The following HSF2 variants were observed in gnomAD, a reference collection of about 807,000 sequenced individuals.
HSF2 encodes the protein heat shock factor protein 2.
A neutral mutation model predicts 65.0 loss-of-function variants in HSF2; 21 were observed. The ratio of observed to expected loss-of-function variants is 0.32; its 90% CI spans 0.23 to 0.47. The LOEUF (loss-of-function observed/expected upper bound fraction) is 0.47. Ranked by LOEUF, HSF2 falls within the 20% of genes least tolerant of loss-of-function variation. HSF2 has a pLI of 1.00. For missense variants in HSF2, 499 were observed against 628.1 expected (o/e 0.79, Z 2.20); for synonymous variants, 225 against 219.1 (o/e 1.03, Z -0.24).
At chr6:122,415,585 TA>T (rs1460238114) in intron 4 of HSF2, among the ~76,000 whole-genome samples, 3 of 152,182 alleles carry the variant, frequency 2.0e-5, no homozygotes, top group Non-Finnish European at 4.4e-5. Context: ...AAGATTAGCT[TA>T]TTTTTTTTTA....
rs1444212202 is a variant in HSF2 at position 122,420,154 on chromosome 6, A to C, written c.613A>C (p.Asn205His). The C allele has an allele frequency of 6.2e-7, 1 of 1,610,952 alleles. No homozygotes were observed. Among genetic ancestry groups the C allele is most frequent in the Admixed American group, 1.7e-5 (1 of 59,664 alleles). ...KRKRPLLLNT[N>H]GAQKKNLFQH... ...TTTCAGGCCTCTACTTCTAAACACT[A>C]ATGGAGCCCAAAAGAAGAACCTGTT... Residue 205 changes from asparagine (N) to histidine (H), a missense_variant, in exon 7 of 13, where the codon AAT (asparagine) becomes CAT (histidine). Around this residue, in one of 2 missense-constraint regions of HSF2, gnomAD observed 349 missense variants for 393.5 expected, o/e 0.89. Coordinates refer to ENST00000368455, the MANE Select transcript of HSF2 (RefSeq NM_004506.4).
At chr6:122,410,497 A>G (rs1317549873) in intron 1 of HSF2, among the ~76,000 whole-genome samples, 2 of 151,852 alleles carry the variant, frequency 1.3e-5, no homozygotes, top group Non-Finnish European at 2.9e-5. Context: ...GGCAACCATT[A>G]CCACCATCCA....
intron 10 of HSF2, among the ~76,000 whole-genome samples, chr6:122,426,528 G>A (rs1774341918): frequency 6.6e-6 from 1 of 152,050 alleles, no homozygotes; most frequent in African/African-American, 2.4e-5. Flanking sequence ...GCAGTGATAA[G>A]CTAAACTGGC....
intron 7 of HSF2, among the ~76,000 whole-genome samples, chr6:122,420,668 T>G (rs1487675634): frequency 6.7e-6 from 1 of 149,920 alleles, no homozygotes; most frequent in Admixed American, 6.7e-5. Context: ...CTTTTGAGAT[T>G]TATTAAACAT....
intron 10 of HSF2, among the ~76,000 whole-genome samples, chr6:122,425,226 G>C (rs1301702111): frequency 6.6e-6 from 1 of 152,024 alleles, no homozygotes; most frequent in Non-Finnish European, 1.5e-5. Context: ...ACGAGTGGCT[G>C]TATTTACCTC....
rs141044801 is a variant in HSF2, at chr6:122,404,264, C to T, written c.93+4434C>T. The stretch of plus-strand genomic sequence containing the variant: ...ATTTGAGCAGTAGGCCCTTGGACTT[C>T]ACAAAGTGCTAGTATTGTTTTGAAC... On this transcript the variant is annotated intron_variant, in intron 1 of 12. Coordinates refer to ENST00000368455, the MANE Select transcript of HSF2 (RefSeq NM_004506.4). Among the ~76,000 whole-genome samples, 12 of 152,286 alleles carry T rather than the reference C, an allele frequency of 7.9e-5. No homozygotes were observed. In the East Asian group the frequency reaches 2.1e-3, roughly 27 times the overall value.
chr6:122,421,746 CAG>C (rs1260468659), intron 7 of HSF2, among the ~76,000 whole-genome samples: 6 of 151,984 alleles, frequency 3.9e-5, no homozygotes, highest in African/African-American at 9.7e-5. Flanking sequence ...CATTTCAAAA[CAG>C]AGCATCTTGA....
intron 5 of HSF2, 44 bp from the exon 6 acceptor site, chr6:122,419,123 GA>G: frequency 1.1e-6 from 1 of 914,858 alleles, no homozygotes; most frequent in South Asian, 1.4e-5. Flanking sequence ...AGAGACAAAA[GA>G]ATTAACAGTA....
chr6:122,428,544 T>C (rs1774387896), intron 11 of HSF2, among the ~76,000 whole-genome samples: 1 of 152,034 alleles, frequency 6.6e-6, no homozygotes, highest in Admixed American at 6.6e-5. Context: ...AATTTGAAGT[T>C]ATTAGAGCAG....
At chr6:122,412,835 G>A in intron 3 of HSF2, 71 bp downstream of exon 3, 1 of 1,417,356 alleles carries the variant, frequency 7.1e-7, no homozygotes, top group Non-Finnish European at 9.8e-7. Context: ...TTTTATTTCA[G>A]CTGTTGAAAG....
At chr6:122,401,691 A>C (rs556821427) in intron 1 of HSF2, among the ~76,000 whole-genome samples, 1 of 152,198 alleles carries the variant, frequency 6.6e-6, no homozygotes, top group South Asian at 2.1e-4. Flanking sequence ...GGGACAATCA[A>C]AATGTAAGCT....
intron 11 of HSF2, among the ~76,000 whole-genome samples, chr6:122,428,545 AT>A (rs901504991): frequency 3.3e-5 from 5 of 152,024 alleles, no homozygotes; most frequent in African/African-American, 1.2e-4. Context: ...ATTTGAAGTT[AT>A]TAGAGCAGGT....
chr6:122,429,228 C>A lies in HSF2; in HGVS notation c.1230+1272C>A, dbSNP rs182354740. ...CATGGACCATTTAAGTTGAATGGAC[C>A]CATATCATTTGTTCATGTAGTGAAT... On this transcript the variant is annotated intron_variant, in intron 11 of 12. Coordinates refer to ENST00000368455, the MANE Select transcript of HSF2 (RefSeq NM_004506.4). Among the ~76,000 whole-genome samples the A allele has an allele frequency of 9.2e-5, 14 of 151,926 alleles. No individual in the cohort carries two copies. In the East Asian group the frequency reaches 2.3e-3, roughly 25 times the overall value.
intron 1 of HSF2, among the ~76,000 whole-genome samples, chr6:122,406,829 A>G (rs1773878322): frequency 6.6e-6 from 1 of 152,156 alleles, no homozygotes; most frequent in South Asian, 2.1e-4. Flanking sequence ...GACCATGCCT[A>G]GTCATATGGC....
At chr6:122,416,181 ATT>A (rs2243361) in intron 4 of HSF2, 38 bp from the exon 5 acceptor site, 4 of 1,198,254 alleles carry the variant, frequency 3.3e-6, no homozygotes, top group Admixed American at 1.9e-5. Context: ...TTTTTGATTG[ATT>A]TTTTTTTTGT....
intron 8 of HSF2, 70 bp from the exon 9 acceptor site, chr6:122,422,648 G>C: frequency 6.7e-7 from 1 of 1,483,402 alleles, no homozygotes; most frequent in Non-Finnish European, 9.3e-7. Context: ...TTTCCATTTA[G>C]AATGAATGGA....
Position 122,433,083 on chromosome 6 carries a change from A to G in HSF2, c.*863A>G, listed in dbSNP as rs1774512713. 1 of 152,334 alleles carries G rather than the reference A, an allele frequency of 6.6e-6. No individual in the cohort carries two copies. The highest frequency in any genetic ancestry group is 2.1e-4 in the South Asian group (1 of 4,828). The allele number at this position is 152,334 out of a possible 1,614,324, so 9.4% of individuals were successfully genotyped here. On this transcript the variant is annotated 3_prime_UTR_variant, in exon 13 of 13. Transcript: ENST00000368455. The stretch of plus-strand genomic sequence containing the variant: ...TATTCTCAATATGAATCATACCAAG[A>G]TATTTGTGCCTCATCTCGAAAATAT...
At chr6:122,420,738 A>ATTTTTT (rs1562203810) in intron 7 of HSF2, among the ~76,000 whole-genome samples, 4 of 84,296 alleles carry the variant, frequency 4.7e-5, no homozygotes, top group East Asian at 3.4e-4. Context: ...TTGAGATGGG[A>ATTTTTT]TTTCACTCTG....
chr6:122,426,433 A>G (rs917533819), intron 10 of HSF2, among the ~76,000 whole-genome samples: 1 of 152,082 alleles, frequency 6.6e-6, no homozygotes, highest in African/African-American at 2.4e-5. Flanking sequence ...GTTGCTGGGC[A>G]AAGAGGAGAA....
Sources: gnomAD v4.1 joint callset for allele counts (sites outside exome capture counted in the v4.1 genomes callset) on GRCh38, gnomAD v4.1.1 for gene constraint, gnomAD v4.1.1 regional missense constraint, MANE v1.5 for transcripts, NCBI Gene and HGNC (gene_info 2026-07-23, HGNC 2026-07-21) for gene names.